The following PGAP1 variants were observed in gnomAD, a reference collection of about 807,000 sequenced individuals.
PGAP1 encodes the protein post-GPI attachment to proteins inositol deacylase 1.
Under a neutral mutation model 127.0 loss-of-function variants are expected in PGAP1, and 76 were observed. That is an observed-to-expected ratio of 0.60 (90% CI 0.50 to 0.72). The LOEUF (loss-of-function observed/expected upper bound fraction) is 0.72. Ranked by LOEUF, PGAP1 falls within the 30% of genes least tolerant of loss-of-function variation. The pLI is 0.00. For missense variants in PGAP1, 982 were observed against 1,071.3 expected, an observed-to-expected ratio of 0.92 and a Z score of 1.16; for synonymous variants, 362 against 366.5, an observed-to-expected ratio of 0.99 and a Z score of 0.14.
intron 3 of PGAP1, among the ~76,000 whole-genome samples, chr2:196,914,967 C>T (rs1228717409): frequency 1.3e-5 from 2 of 151,984 alleles, no homozygotes; most frequent in Non-Finnish European, 2.9e-5. Flanking sequence ...CAAGTGTGCA[C>T]CACCACATCC....
At chr2:196,922,042 T>A (rs1461187359) in intron 1 of PGAP1, 1 of 756,306 alleles carries the variant, frequency 1.3e-6, no homozygotes, top group Non-Finnish European at 1.7e-6. Context: ...CAATATAAAT[T>A]TTTTATTCTA....
intron 1 of PGAP1, among the ~76,000 whole-genome samples, chr2:196,926,216 C>T (rs1348964124): frequency 6.6e-6 from 1 of 151,662 alleles, no homozygotes; most frequent in Non-Finnish European, 1.5e-5. Context: ...AGCGGAGTAA[C>T]TACGAGGACG....
At chr2:196,844,162 A>G (rs1700494329) in intron 24 of PGAP1, 87 bp from the exon 25 acceptor site, 2 of 765,278 alleles carry the variant, frequency 2.6e-6, no homozygotes, top group African/African-American at 1.8e-5. Context: ...TATCAACTAA[A>G]TAAGTACATC....
At chr2:196,899,787 A>G (rs1035245957) in intron 5 of PGAP1, among the ~76,000 whole-genome samples, 9 of 152,118 alleles carry the variant, frequency 5.9e-5, no homozygotes, top group Admixed American at 2.0e-4. Flanking sequence ...TAATCCCAAC[A>G]CTGTGGGAGG....
At chr2:196,843,138 T>C (rs973043164) in intron 25 of PGAP1, among the ~76,000 whole-genome samples, 3 of 152,104 alleles carry the variant, frequency 2.0e-5, no homozygotes, top group Admixed American at 6.5e-5. Flanking sequence ...TTACTTAAAA[T>C]ACATGAGTAC....
chr2:196,871,468 G>A (rs1169940011), intron 18 of PGAP1, among the ~76,000 whole-genome samples: 1 of 151,958 alleles, frequency 6.6e-6, no homozygotes, highest in Non-Finnish European at 1.5e-5. Flanking sequence ...TGCAGTATTT[G>A]TAAAAAAAAT....
Position 196,892,398 on chromosome 2 carries a change from G to A in PGAP1, c.1037C>T (p.Thr346Ile), listed in dbSNP as rs1447446480. Residue 346 changes from threonine (T) to isoleucine (I), a missense_variant, in exon 9 of 27, where the codon ACA becomes ATA. Coordinates refer to ENST00000354764, the MANE Select transcript of PGAP1 (RefSeq NM_024989.4). ...NPAIISDLTGTSMWVLVKVSK... is the reference protein window; with the variant it reads ...NPAIISDLTGISMWVLVKVSK... ...CACTTTTACTAGAACCCACATAGAT[G>A]TCCCTGAAGGTAAAGGAAATTAATT... 8.5e-6 allele frequency: 12 copies of A among 1,406,276 alleles called. No individual in the cohort carries two copies. The highest frequency in any genetic ancestry group is 9.9e-6 in the Non-Finnish European group (10 of 1,014,796). The allele number at this position is 1,406,276 out of a possible 1,614,324, so 87.1% of individuals were successfully genotyped here.
intron 23 of PGAP1, 99 bp downstream of exon 23, chr2:196,845,777 ACTACAG>A (rs1273761783): frequency 7.2e-6 from 6 of 833,420 alleles, no homozygotes; most frequent in East Asian, 2.8e-5. Context: ...ACAGAGGGTT[ACTACAG>A]TGTTTATGAG....
At chr2:196,842,691 A>G (rs1700447253) in intron 26 of PGAP1, 30 bp downstream of exon 26, 2 of 1,192,828 alleles carry the variant, frequency 1.7e-6, no homozygotes, top group East Asian at 2.5e-5. Context: ...AAGAACAGAT[A>G]TAAGAAAAAG....
intron 1 of PGAP1, among the ~76,000 whole-genome samples, chr2:196,921,917 G>T (rs1703205811): frequency 1.3e-5 from 2 of 152,068 alleles, no homozygotes; most frequent in Admixed American, 6.6e-5. Context: ...AAAGACCCAG[G>T]AGAGGTAATT....
rs1321351585 is a variant in PGAP1 at position 196,903,536 on chromosome 2, G to C, written c.650-794C>G. Among the ~76,000 whole-genome samples, 21 of 140,204 alleles carry C rather than the reference G, an allele frequency of 1.5e-4. No homozygotes were observed. In the Admixed American group the frequency reaches 1.5e-3, roughly 10 times the overall value. 92.0% of individuals were successfully genotyped at this position (140,204 alleles called of 152,430 possible). A position where few individuals can be genotyped will look rare whatever the true frequency, so the allele number is the denominator to read the frequency against. On this transcript the variant is annotated intron_variant, in intron 4 of 26. Coordinates refer to ENST00000354764, the MANE Select transcript of PGAP1 (RefSeq NM_024989.4). ...AGATTGTGCTACTGCACTCCAGCCT[G>C]GGCAACAGAGCGAGACTCTGTCTCA...
In PGAP1 at chr2:196,851,188, C is replaced by G. The variant is rs562492723; in HGVS notation, c.1862-3151G>C. ...AAAAAAAACAAAAAAATAAAAAAAC[C>G]CTGACAAATAGAGCCAGGGAAGGCT... On this transcript the variant is annotated intron_variant, in intron 20 of 26. Transcript: ENST00000354764. 1.0e-3 allele frequency among the ~76,000 whole-genome samples: 151 copies of G among 151,294 alleles called. 1 individual carries two copies. The highest frequency in any genetic ancestry group is 3.4e-3 in the Middle Eastern group (1 of 292).
intron 9 of PGAP1, 45 bp downstream of exon 9, chr2:196,892,301 T>G: frequency 1.1e-6 from 1 of 907,056 alleles, no homozygotes; most frequent in Non-Finnish European, 1.7e-6. Context: ...TACTAAATTA[T>G]TTCTGGAAAA....
chr2:196,871,716 C>A (rs759584479), intron 18 of PGAP1, among the ~76,000 whole-genome samples: 21 of 152,084 alleles, frequency 1.4e-4, no homozygotes, highest in Non-Finnish European at 2.4e-4. Flanking sequence ...ATTAATTTGA[C>A]AAAATCAATC....
At chr2:196,888,332 G>A (rs1041581435) in intron 10 of PGAP1, among the ~76,000 whole-genome samples, 6 of 152,146 alleles carry the variant, frequency 3.9e-5, no homozygotes, top group Non-Finnish European at 5.9e-5. Flanking sequence ...GATGGATCAT[G>A]CTGTCACCAC....
chr2:196,881,037 A>G (rs1247244043), intron 12 of PGAP1, among the ~76,000 whole-genome samples: 3 of 151,934 alleles, frequency 2.0e-5, no homozygotes, highest in Non-Finnish European at 4.4e-5. Flanking sequence ...CCACCCTCCA[A>G]TAGGCCCGAG....
Position 196,880,109 on chromosome 2 carries a change from A to C in PGAP1, c.1317T>G (p.Leu439=), listed in dbSNP as rs1295975016. The C allele has an allele frequency of 5.0e-6, 8 of 1,600,136 alleles. No homozygotes were observed. Among genetic ancestry groups the C allele is most frequent in the Non-Finnish European group, 6.8e-6 (8 of 1,172,684 alleles). The part of the protein sequence containing the change: ...RLQDYPSLSH[L]VVYVPSVRGS... Reference sequence around the variant, plus strand: ...CACGAACAGATGGTACATAAACAACAAGATGAGACAAAGATGGATAGTCTT... The same window carrying C: ...CACGAACAGATGGTACATAAACAACCAGATGAGACAAAGATGGATAGTCTT... The change falls in exon 13 of 27, where the codon CTT becomes CTG. Residue 439 remains leucine (L), a synonymous_variant. Transcript: ENST00000354764.
At chr2:196,898,613 T>C (rs549039389) in intron 5 of PGAP1, among the ~76,000 whole-genome samples, 3 of 152,316 alleles carry the variant, frequency 2.0e-5, no homozygotes, top group Admixed American at 2.0e-4. Context: ...AAGTTTAAAT[T>C]ACCATTTAAA....
At position 196,926,653 on chromosome 2, in the gene PGAP1, T is replaced by A; in HGVS notation, c.-37A>T. ...CACCGCCGCCGCCGCCGCCGCCCCC[T>A]CTACCTCCTTCTCCGCCGCGGGGCC... On this transcript the variant is annotated 5_prime_UTR_variant, in exon 1 of 27. Coordinates refer to ENST00000354764, the MANE Select transcript of PGAP1 (RefSeq NM_024989.4). 1 of 1,611,950 alleles carries A rather than the reference T, an allele frequency of 6.2e-7. No individual in the cohort carries two copies. Among genetic ancestry groups the A allele is most frequent in the Non-Finnish European group, 8.5e-7 (1 of 1,179,064 alleles).
Sources: gnomAD v4.1 joint callset for allele counts (sites outside exome capture counted in the v4.1 genomes callset) on GRCh38, gnomAD v4.1.1 for gene constraint, MANE v1.5 for transcripts, NCBI Gene and HGNC (gene_info 2026-07-23, HGNC 2026-07-21) for gene names.